UST: variants seen among roughly 807,000 people sequenced by gnomAD.
The protein encoded by UST is chondroitin sulfate 2-O-sulfotransferase.
A neutral mutation model predicts 45.6 loss-of-function variants in UST; 21 were observed. The ratio of observed to expected loss-of-function variants is 0.46; its 90% CI spans 0.33 to 0.66. UST has a LOEUF of 0.66. UST is among the 30% of genes least tolerant of loss of function. UST has a pLI of 0.02. For synonymous variants in UST, 215 were observed against 200.6 expected, an observed-to-expected ratio of 1.07 and a Z score of -0.61; for missense variants, 463 against 512.4, an observed-to-expected ratio of 0.90 and a Z score of 0.93.
At chr6:148,840,733 A>G (rs1470600317) in intron 1 of UST, among the ~76,000 whole-genome samples, 1 of 152,232 alleles carries the variant, frequency 6.6e-6, no homozygotes, top group Non-Finnish European at 1.5e-5. Context: ...AAATCTGCAT[A>G]TAAGTGGGCC....
intron 1 of UST, among the ~76,000 whole-genome samples, chr6:148,788,044 C>T (rs1776766204): frequency 6.6e-6 from 1 of 152,140 alleles, no homozygotes; most frequent in Non-Finnish European, 1.5e-5. Context: ...GTTTAATGGA[C>T]TTACAGTTCC....
At chr6:148,774,289 T>TAA (rs894695764) in intron 1 of UST, among the ~76,000 whole-genome samples, 2 of 110,500 alleles carry the variant, frequency 1.8e-5, no homozygotes, top group African/African-American at 3.5e-5. Context: ...TATATATATA[T>TAA]AAAAATATAA....
chr6:148,760,916 G>A (rs551402450), intron 1 of UST, among the ~76,000 whole-genome samples: 1 of 152,328 alleles, frequency 6.6e-6, no homozygotes, highest in East Asian at 1.9e-4. Flanking sequence ...AAATGGTTTT[G>A]ATTCCCTTAC....
In UST at chr6:149,073,903, C is replaced by T. The variant is rs1170818309; in HGVS notation, c.1008C>T (p.Ile336=). 1 of 1,614,144 alleles carries T rather than the reference C, an allele frequency of 6.2e-7. No individual in the cohort carries two copies. The highest frequency in any genetic ancestry group is 1.1e-5 in the South Asian group (1 of 91,076). The change falls in exon 8 of 8, where the codon ATC becomes ATT. Residue 336 remains isoleucine (I), a synonymous_variant. Coordinates refer to ENST00000367463, the MANE Select transcript of UST (RefSeq NM_005715.3). ...TCCCCTCTCCTGAGGCTGTGCAGAT[C>T]CTCTACCAGCGGATGAGATACGAGT... ...KTVPSPEAVQ[I]LYQRMRYEYE... is the part of the protein sequence containing the mutation.
chr6:148,846,705 A>G (rs1449137269), intron 1 of UST, among the ~76,000 whole-genome samples: 1 of 152,236 alleles, frequency 6.6e-6, no homozygotes, highest in Non-Finnish European at 1.5e-5. Flanking sequence ...TTCTGCATCC[A>G]CCATGCTTAG....
chr6:148,984,300 G>A (rs936498535), intron 5 of UST, among the ~76,000 whole-genome samples: 1 of 152,160 alleles, frequency 6.6e-6, no homozygotes, highest in Non-Finnish European at 1.5e-5. Flanking sequence ...AACAAGTATT[G>A]GGAGAGATGA....
At chr6:148,905,142 G>C (rs764265518) in intron 2 of UST, among the ~76,000 whole-genome samples, 12 of 152,186 alleles carry the variant, frequency 7.9e-5, no homozygotes, top group Non-Finnish European at 1.3e-4. Flanking sequence ...AACATTTCTA[G>C]ACGTGCTTTG....
intron 1 of UST, among the ~76,000 whole-genome samples, chr6:148,796,697 G>A (rs144710591): frequency 1.4e-5 from 2 of 148,138 alleles, no homozygotes; most frequent in East Asian, 2.0e-4. Flanking sequence ...ACTGATACCC[G>A]TTAGGCTTCA....
At chr6:148,952,397 C>T (rs752217835) in intron 3 of UST, among the ~76,000 whole-genome samples, 95 of 152,334 alleles carry the variant, frequency 6.2e-4, no homozygotes, top group Non-Finnish European at 1.2e-3. Flanking sequence ...ATACCTGCCA[C>T]TGACTAACAG....
intron 2 of UST, among the ~76,000 whole-genome samples, chr6:148,931,540 A>G (rs10499255): frequency 0.024 from 3,663 of 152,320 alleles, 164 homozygotes; most frequent in African/African-American, 0.084. Context: ...AATACTAAAA[A>G]TGGAACAACT....
At chr6:148,914,163 G>GT (rs1460200154) in intron 2 of UST, among the ~76,000 whole-genome samples, 2 of 152,150 alleles carry the variant, frequency 1.3e-5, no homozygotes, top group Non-Finnish European at 2.9e-5. Context: ...GGTGCTGAAT[G>GT]TTTTCCATTG....
intron 1 of UST, among the ~76,000 whole-genome samples, chr6:148,754,867 AGATG>A (rs1224122896): frequency 6.6e-6 from 1 of 152,230 alleles, no homozygotes; most frequent in Non-Finnish European, 1.5e-5. Context: ...TAAACTCTAA[AGATG>A]GATTGAAAAC....
chr6:148,866,037 A>G (rs115495241), intron 1 of UST, among the ~76,000 whole-genome samples: 1 of 152,070 alleles, frequency 6.6e-6, no homozygotes, highest in East Asian at 1.9e-4. Flanking sequence ...GTGTATGTAT[A>G]TATATATACA....
intron 7 of UST, among the ~76,000 whole-genome samples, chr6:149,041,230 G>A (rs574152720): frequency 1.3e-3 from 196 of 152,296 alleles, no homozygotes; most frequent in African/African-American, 4.6e-3. Flanking sequence ...CCTTGCCTGG[G>A]ACCTCTTGCT....
chr6:149,056,470 G>A (rs975407586), intron 7 of UST, among the ~76,000 whole-genome samples: 2 of 152,262 alleles, frequency 1.3e-5, no homozygotes, highest in Non-Finnish European at 2.9e-5. Flanking sequence ...TGGTCCTGGT[G>A]TCTACTGACA....
At chr6:149,017,022 C>T (rs766820129) in intron 5 of UST, among the ~76,000 whole-genome samples, 4 of 152,230 alleles carry the variant, frequency 2.6e-5, no homozygotes, top group African/African-American at 4.8e-5. Flanking sequence ...CACAGGCACC[C>T]GCCCGCACAA....
chr6:148,789,449 T>TCACACACA (rs1439525516), intron 1 of UST, among the ~76,000 whole-genome samples: 2 of 129,034 alleles, frequency 1.5e-5, no homozygotes, highest in Non-Finnish European at 3.3e-5. Flanking sequence ...TCTCTCTCTC[T>TCACACACA]CTCTCACACA....
At position 148,878,704 on chromosome 6, in the gene UST, C is replaced by CA. The variant is rs377589136; in HGVS notation, c.248-8282_248-8281insA. Among the ~76,000 whole-genome samples the CA allele has an allele frequency of 8.8e-4, 105 of 118,970 alleles. 7 individuals are homozygous for CA. In the South Asian group the frequency reaches 0.025, roughly 28 times the overall value. 78.0% of individuals were successfully genotyped at this position (118,970 alleles called of 152,430 possible). ...TGAGTGCGGGGGTCGTGTGTGAGTG[C>CA]GGAGGTCGTGTATGAGTGCAGGGGA... On this transcript the variant is annotated intron_variant, in intron 1 of 7. Transcript: ENST00000367463.
In UST at chr6:148,951,619, G is replaced by A. The variant is rs146151216; in HGVS notation, c.448-2253G>A. On this transcript the variant is annotated intron_variant, in intron 3 of 7. Coordinates refer to ENST00000367463, the MANE Select transcript of UST (RefSeq NM_005715.3). ...AGGTGAAGGAACAGGCAGGCTGCTG[G>A]CCATGGGGGGAGGACCAGGCAAGAG... Among the ~76,000 whole-genome samples, 123 of 152,230 alleles carry A rather than the reference G, an allele frequency of 8.1e-4. 2 individuals are homozygous for A. The East Asian group carries it at 0.021, about 26-fold the overall frequency.
Sources: gnomAD v4.1 joint callset for allele counts (sites outside exome capture counted in the v4.1 genomes callset) on GRCh38, gnomAD v4.1.1 for gene constraint, MANE v1.5 for transcripts, NCBI Gene and HGNC (gene_info 2026-07-23, HGNC 2026-07-21) for gene names.